The following AFF1 variants were observed in gnomAD, a reference collection of about 807,000 sequenced individuals.
The protein encoded by AFF1 is ALF transcription elongation factor 1.
AFF1 carries 48 observed loss-of-function variants against 121.7 expected under a neutral mutation model. That is an observed-to-expected ratio of 0.39 (90% confidence interval 0.31 to 0.50). The LOEUF (loss-of-function observed/expected upper bound fraction) is 0.50. AFF1 is among the 20% of genes least tolerant of loss of function. The probability of loss-of-function intolerance (pLI) is 0.76; values close to 1 mark genes in which losing one functional copy is unlikely to be tolerated. For synonymous variants in AFF1, 613 were observed against 563.0 expected, an observed-to-expected ratio of 1.09 and a Z score of -1.26; for missense variants, 1,523 against 1,511.7, an observed-to-expected ratio of 1.01 and a Z score of -0.12.
chr4:87,006,515 T>A (rs1726133265), intron 2 of AFF1, among the ~76,000 whole-genome samples: 1 of 152,232 alleles, frequency 6.6e-6, no homozygotes, highest in Non-Finnish European at 1.5e-5. Flanking sequence ...GGCTGTTTTG[T>A]AAATATTTGT....
At chr4:87,077,705 T>G (rs997939363) in intron 4 of AFF1, among the ~76,000 whole-genome samples, 1 of 152,256 alleles carries the variant, frequency 6.6e-6, no homozygotes, top group Non-Finnish European at 1.5e-5. Context: ...ATTGATACTT[T>G]CTTCATTTAT....
At chr4:87,132,178 A>G (rs528639279) in intron 18 of AFF1, 93 bp from the exon 19 acceptor site, 1 of 1,462,280 alleles carries the variant, frequency 6.8e-7, no homozygotes, top group African/African-American at 1.4e-5. Context: ...GGTGAGGCAA[A>G]CCCGGTGTGT....
In AFF1 at chr4:87,089,812, T is replaced by G. The variant is rs149249501; in HGVS notation, c.1105-172T>G. On this transcript the variant is annotated intron_variant, in intron 5 of 20. Transcript: ENST00000395146. The stretch of plus-strand genomic sequence containing the variant: ...TTTTATGTTGGAGAGCTTTAACTTT[T>G]CAACATAGCCCACTGAAATAGGAGT... 3.9e-3 allele frequency among the ~76,000 whole-genome samples: 599 copies of G among 152,352 alleles called. 1 individual carries two copies. Among genetic ancestry groups the G allele is most frequent in the African/African-American group, 0.013 (561 of 41,580 alleles).
At chr4:86,999,003 G>GC (rs1725480534) in intron 2 of AFF1, among the ~76,000 whole-genome samples, 2 of 152,172 alleles carry the variant, frequency 1.3e-5, no homozygotes, top group Admixed American at 1.3e-4. Flanking sequence ...TGGAATTGGG[G>GC]CCATTCAGAT....
intron 2 of AFF1, among the ~76,000 whole-genome samples, chr4:87,017,383 G>A (rs191236802): frequency 2.6e-5 from 4 of 152,064 alleles, no homozygotes; most frequent in East Asian, 3.9e-4. Context: ...TTAAAACACC[G>A]CTCATTTTCC....
chr4:87,046,691 T>TC lies in AFF1; in HGVS notation c.160-3dup. 6.3e-7 allele frequency: 1 copy of TC among 1,581,332 alleles called. No homozygotes were observed. The highest frequency in any genetic ancestry group is 8.6e-7 in the Non-Finnish European group (1 of 1,165,168). ...TTCATTCTCAAATTCTCCTTTTTTT[T>TC]CAGACAGCAAAAGGTGATGAGCTGT... On this transcript the variant is annotated splice_polypyrimidine_tract_variant and splice_region_variant and intron_variant, in intron 3 of 20. Transcript: ENST00000395146.
intron 12 of AFF1, among the ~76,000 whole-genome samples, chr4:87,122,304 C>G (rs1258429819): frequency 2.6e-5 from 4 of 152,208 alleles, no homozygotes. Flanking sequence ...AAGAGAGTTA[C>G]CAGTACCAGA....
At chr4:87,014,724 C>T (rs10050309) in intron 2 of AFF1, among the ~76,000 whole-genome samples, 9,164 of 152,258 alleles carry the variant, frequency 0.06, 490 homozygotes, top group African/African-American at 0.14. Context: ...AAGATTATCA[C>T]GTGACTTTCA....
At chr4:86,979,668 AAG>A (rs1436498941) in intron 2 of AFF1, among the ~76,000 whole-genome samples, 1 of 152,250 alleles carries the variant, frequency 6.6e-6, no homozygotes, top group Admixed American at 6.5e-5. Flanking sequence ...CATGCATAAA[AAG>A]AGAGATGCAA....
intron 4 of AFF1, among the ~76,000 whole-genome samples, chr4:87,081,595 G>A (rs767844585): frequency 1.6e-4 from 25 of 152,222 alleles, no homozygotes; most frequent in Non-Finnish European, 1.2e-4. Context: ...CTAGATGCAT[G>A]TTGTTTGCCA....
At position 86,948,439 on chromosome 4, in the gene AFF1, G is replaced by A. The variant is rs567387219; in HGVS notation, c.-36-59G>A. The A allele has an allele frequency of 9.1e-5, 106 of 1,163,828 alleles. No individual in the cohort carries two copies. The Admixed American group carries it at 1.6e-3, about 18-fold the overall frequency. 72.1% of individuals were successfully genotyped at this position (1,163,828 alleles called of 1,614,324 possible). A position where few individuals can be genotyped will look rare whatever the true frequency, so the allele number is the denominator to read the frequency against. On this transcript the variant is annotated intron_variant, in intron 1 of 20. Transcript: ENST00000395146. ...CAATAAAGCTTCTTACAGGTCATGC[G>A]TATCCCTGAATTTACTCACAGGCTA...
chr4:87,085,013 G>A (rs187984839), intron 5 of AFF1, among the ~76,000 whole-genome samples: 10 of 152,324 alleles, frequency 6.6e-5, no homozygotes, highest in Admixed American at 6.5e-4. Flanking sequence ...AAGAAAAATA[G>A]TGGGAAGTAG....
intron 12 of AFF1, among the ~76,000 whole-genome samples, chr4:87,120,577 G>A (rs937634953): frequency 3.3e-5 from 5 of 152,162 alleles, no homozygotes; most frequent in African/African-American, 1.2e-4. Context: ...TGTTTTCTCC[G>A]TACAAGTGTC....
intron 2 of AFF1, among the ~76,000 whole-genome samples, chr4:86,992,543 G>A (rs1211815499): frequency 6.6e-6 from 1 of 151,636 alleles, no homozygotes; most frequent in Non-Finnish European, 1.5e-5. Flanking sequence ...CCATTAAGTT[G>A]TTAAGCGTTT....
chr4:86,948,397 A>T (rs761665253), intron 1 of AFF1, 101 bp from the exon 2 acceptor site: 1 of 716,160 alleles, frequency 1.4e-6, no homozygotes, highest in Non-Finnish European at 2.2e-6. Flanking sequence ...TCAAATGAGA[A>T]CTTGGAATTC....
At chr4:86,962,686 G>A (rs1368042814) in intron 2 of AFF1, among the ~76,000 whole-genome samples, 1 of 152,132 alleles carries the variant, frequency 6.6e-6, no homozygotes, top group Non-Finnish European at 1.5e-5. Context: ...GTATAATCAC[G>A]TGTTCCTGCC....
At chr4:86,958,091 CTTTTTTTTTTTTT>C (rs36035943) in intron 2 of AFF1, among the ~76,000 whole-genome samples, 1 of 107,108 alleles carries the variant, frequency 9.3e-6, no homozygotes, top group African/African-American at 3.6e-5. Flanking sequence ...TTTTTTTTTC[CTTTTTTTTTTTTT>C]TTTTTTGAAA....
intron 4 of AFF1, among the ~76,000 whole-genome samples, chr4:87,080,769 C>T (rs1161930591): frequency 5.3e-5 from 8 of 152,184 alleles, no homozygotes; most frequent in Non-Finnish European, 1.2e-4. Flanking sequence ...CTTTATGAGA[C>T]GAGGCAGCCT....
intron 2 of AFF1, among the ~76,000 whole-genome samples, chr4:87,038,667 T>C (rs1482906790): frequency 1.3e-5 from 2 of 152,170 alleles, no homozygotes; most frequent in Non-Finnish European, 2.9e-5. Context: ...TGCCGAACTT[T>C]TGTGTTTATT....
Sources: allele counts gnomAD v4.1 joint callset (sites outside exome capture counted in the v4.1 genomes callset), GRCh38; gene constraint gnomAD v4.1.1; transcripts MANE v1.5; gene names NCBI Gene and HGNC (gene_info 2026-07-23, HGNC 2026-07-21).